Variants in PHF24 observed in about 807,000 individuals in gnomAD.
PHF24 encodes the protein Galpha inhibitory interacting protein.
In PHF24, 25 loss-of-function variants were observed where a neutral mutation model predicts 42.6. The observed-to-expected ratio is 0.59, with a 90% CI of 0.43 to 0.82. The LOEUF is 0.82. PHF24 is among the 40% of genes least tolerant of loss of function. The probability of loss-of-function intolerance (pLI) is 0.00; values close to 1 mark genes in which losing one functional copy is unlikely to be tolerated. For synonymous variants in PHF24, 185 were observed against 204.8 expected (o/e 0.90, Z 0.83); for missense variants, 470 against 538.1 (o/e 0.87, Z 1.25).
the PHF24 span, among the ~76,000 whole-genome samples, chr9:34,941,531 C>T: frequency 6.6e-6 from 1 of 152,126 alleles, no homozygotes; most frequent in Non-Finnish European, 1.5e-5. Context: ...AAGGATGAAC[C>T]ACTGGCCCTT....
At chr9:34,728,712 C>A in the PHF24 span, 1 of 1,430,254 alleles carries the variant, frequency 7.0e-7, no homozygotes, top group Non-Finnish European at 9.6e-7. Flanking sequence ...TTCTCATGTC[C>A]AAAATGAGAC....
At chr9:34,936,704 AG>A in the PHF24 span, among the ~76,000 whole-genome samples, 1 of 143,266 alleles carries the variant, frequency 7.0e-6, no homozygotes, top group African/African-American at 2.7e-5. Context: ...AGATGTGGGG[AG>A]CGCCTCTGCC....
At chr9:34,765,855 T>A in the PHF24 span, among the ~76,000 whole-genome samples, 180 of 152,008 alleles carry the variant, frequency 1.2e-3, no homozygotes, top group African/African-American at 4.1e-3. Flanking sequence ...TTCCTTTCCA[T>A]GTTTAGTGCT....
chr9:34,884,241 G>T, the PHF24 span, among the ~76,000 whole-genome samples: 3 of 152,122 alleles, frequency 2.0e-5, no homozygotes, highest in African/African-American at 7.2e-5. Context: ...GGGAGGGATA[G>T]CATTAGGAGA....
the PHF24 span, among the ~76,000 whole-genome samples, chr9:34,792,576 C>CA: frequency 3.3e-5 from 5 of 152,106 alleles, no homozygotes; most frequent in African/African-American, 1.2e-4. Flanking sequence ...AAGGCTGAGG[C>CA]AGGAGAATCG....
At chr9:34,876,619 TCAA>T in the PHF24 span, among the ~76,000 whole-genome samples, 3 of 151,724 alleles carry the variant, frequency 2.0e-5, no homozygotes, top group African/African-American at 7.3e-5. Context: ...GAAATGCAAA[TCAA>T]CACCACAATT....
chr9:34,788,009 A>C, the PHF24 span, among the ~76,000 whole-genome samples: 1 of 152,154 alleles, frequency 6.6e-6, no homozygotes, highest in Non-Finnish European at 1.5e-5. Context: ...AAATCACCCC[A>C]AATCCCATCA....
chr9:34,792,139 T>C, the PHF24 span, among the ~76,000 whole-genome samples: 1 of 152,202 alleles, frequency 6.6e-6, no homozygotes, highest in Admixed American at 6.5e-5. Context: ...ACATCCCTAT[T>C]GATAGGGAGT....
chr9:34,882,012 C>T, the PHF24 span, among the ~76,000 whole-genome samples: 2 of 152,192 alleles, frequency 1.3e-5, no homozygotes, highest in Non-Finnish European at 2.9e-5. Context: ...AGCTTATCCA[C>T]CACAATCAAG....
chr9:34,852,142 A>G, the PHF24 span, among the ~76,000 whole-genome samples: 1 of 152,198 alleles, frequency 6.6e-6, no homozygotes, highest in Non-Finnish European at 1.5e-5. Context: ...CTTCCACTTA[A>G]TGAATAGTAA....
chr9:34,971,520 C>T (rs371942641), exon 2 of PHF24: 309 of 1,613,994 alleles, frequency 1.9e-4, no homozygotes, highest in Non-Finnish European at 2.4e-4. Flanking sequence ...AGAGTAGTGC[C>T]GGCCGCGCAG....
chr9:34,982,223 AG>A (rs1003877584), exon 8 of PHF24: 1 of 152,228 alleles, frequency 6.6e-6, no homozygotes, highest in African/African-American at 2.4e-5. Context: ...GGTGACACAA[AG>A]GCCCTCAAGA....
the PHF24 span, among the ~76,000 whole-genome samples, chr9:34,870,687 C>T: frequency 6.6e-6 from 1 of 151,964 alleles, no homozygotes; most frequent in Non-Finnish European, 1.5e-5. Flanking sequence ...CTCAGCTCAG[C>T]CTCCCAAGTA....
upstream of PHF24, among the ~76,000 whole-genome samples, chr9:34,953,656 C>T (rs1251126258): frequency 6.6e-6 from 1 of 151,944 alleles, no homozygotes; most frequent in East Asian, 1.9e-4. The surrounding 1 kb of genome is among the most constrained non-coding windows in gnomAD (Gnocchi z 4.1). Context: ...CTATTAAGAT[C>T]CCTTTAGGCT....
the PHF24 span, among the ~76,000 whole-genome samples, chr9:34,782,544 C>A: frequency 2.6e-5 from 4 of 152,252 alleles, no homozygotes; most frequent in Admixed American, 2.6e-4. Flanking sequence ...CCTTCCAGTC[C>A]AGTGACTCAT....
chr9:34,691,051 C>G, the PHF24 span: 23 of 1,549,824 alleles, frequency 1.5e-5, no homozygotes, highest in Admixed American at 7.5e-5. Flanking sequence ...CACTGCCAGC[C>G]CCCCACTGCC....
At chr9:34,933,724 C>CA in the PHF24 span, among the ~76,000 whole-genome samples, 5,737 of 110,260 alleles carry the variant, frequency 0.052, 146 homozygotes, top group East Asian at 0.1. Context: ...GACTCTGTCT[C>CA]AAAAAAAAAA....
chr9:34,691,947 GC>G, the PHF24 span, among the ~76,000 whole-genome samples: 1 of 152,150 alleles, frequency 6.6e-6, no homozygotes, highest in Non-Finnish European at 1.5e-5. Context: ...GCTTGGAATA[GC>G]CCCCTTCATT....
At chr9:34,692,170 T>G in the PHF24 span, among the ~76,000 whole-genome samples, 1 of 152,122 alleles carries the variant, frequency 6.6e-6, no homozygotes, top group South Asian at 2.1e-4. Flanking sequence ...ACCCAAACCC[T>G]AGACCCTCTT....
Sources: allele counts gnomAD v4.1 joint callset (sites outside exome capture counted in the v4.1 genomes callset), GRCh38; gene constraint gnomAD v4.1.1; non-coding constraint Gnocchi (gnomAD v3.1); transcripts MANE v1.5; gene names NCBI Gene and HGNC (gene_info 2026-07-23, HGNC 2026-07-21).